Variants in MARF1 observed in about 807,000 individuals in gnomAD.
MARF1 encodes the protein meiosis regulator and mRNA stability factor 1.
In MARF1, 24 loss-of-function variants were observed where a neutral mutation model predicts 168.2. The observed-to-expected ratio is 0.14, with a 90% CI of 0.10 to 0.20. The LOEUF is 0.20. Ranked by LOEUF, MARF1 falls within the 10% of genes least tolerant of loss-of-function variation. The pLI is 1.00. For synonymous variants in MARF1, 868 were observed against 822.4 expected (o/e 1.06, Z -0.95); for missense variants, 1,744 against 2,143.6 (o/e 0.81, Z 3.68).
intron 23 of MARF1, chr16:15,601,047 A>AACC: frequency 1.8e-6 from 1 of 548,260 alleles, no homozygotes; most frequent in Non-Finnish European, 3.5e-6. Flanking sequence ...GAAACTGAAC[A>AACC]ACCACCTAAA....
At chr16:15,627,049 AAACG>A (rs913428122) in intron 7 of MARF1, among the ~76,000 whole-genome samples, 19 of 151,994 alleles carry the variant, frequency 1.3e-4, no homozygotes, top group African/African-American at 3.6e-4. Flanking sequence ...AAGAACGAAC[AAACG>A]AACGAACGAA....
chr16:15,636,111 T>G lies in MARF1; in HGVS notation c.376A>C (p.Thr126Pro). 6.2e-7 allele frequency: 1 copy of G among 1,614,196 alleles called. No homozygotes were observed. Among genetic ancestry groups the G allele is most frequent in the Non-Finnish European group, 8.5e-7 (1 of 1,180,030 alleles). Residue 126 changes from threonine (T) to proline (P), a missense_variant, in exon 3 of 27, where the codon ACC becomes CCC. Transcript: ENST00000396368. ...GCGCCCGGGTGAATCAAGCTACTGG[T>G]ACCTCCGCTACCGCCACCACCACCA... ...FGGGGGGSGG[T>P]SSLIHPGALL...
At chr16:15,610,870 T>A (rs2033471956) in intron 19 of MARF1, 105 bp downstream of exon 19, 1 of 1,122,782 alleles carries the variant, frequency 8.9e-7, no homozygotes, top group Non-Finnish European at 1.3e-6. Flanking sequence ...CTGTGGAATC[T>A]TCAGGAAGCA....
At chr16:15,604,857 G>T (rs550251986) in intron 21 of MARF1, among the ~76,000 whole-genome samples, 2 of 152,240 alleles carry the variant, frequency 1.3e-5, no homozygotes, top group African/African-American at 2.4e-5. Context: ...TGCGTCCCCA[G>T]GGCGGGCTGG....
intron 26 of MARF1, 82 bp downstream of exon 26, chr16:15,598,772 C>G: frequency 7.3e-7 from 1 of 1,372,838 alleles, no homozygotes; most frequent in Non-Finnish European, 1.0e-6. Flanking sequence ...TTCCCACCTC[C>G]GTCATTTACT....
rs199584768 is a variant in MARF1 at position 15,611,123 on chromosome 16, C to T, written c.3618-15G>A. On this transcript the variant is annotated splice_polypyrimidine_tract_variant and intron_variant, in intron 18 of 26. Transcript: ENST00000396368. ...TTGAGAAACACCTAGGTTTTAACAA[C>T]GGAAGTGGATACGGAATGAGTAGTA... 3.5e-5 allele frequency: 57 copies of T among 1,612,430 alleles called. No homozygotes were observed. In the Admixed American group the frequency reaches 4.2e-4, roughly 12 times the overall value.
intron 22 of MARF1, 48 bp from the exon 23 acceptor site, chr16:15,602,251 G>A: frequency 6.6e-7 from 1 of 1,526,626 alleles, no homozygotes; most frequent in African/African-American, 1.4e-5. Context: ...GACTGGCCCT[G>A]CCCCGTGGAA....
At chr16:15,611,337 T>C (rs1021484430) in intron 18 of MARF1, among the ~76,000 whole-genome samples, 6 of 150,668 alleles carry the variant, frequency 4.0e-5, no homozygotes, top group Non-Finnish European at 8.8e-5. Flanking sequence ...CGGGCGCCTG[T>C]AGTCCCAGCT....
intron 7 of MARF1, among the ~76,000 whole-genome samples, 197 bp from the exon 8 acceptor site, chr16:15,625,997 G>T (rs1322958758): frequency 6.6e-6 from 1 of 152,172 alleles, no homozygotes; most frequent in Non-Finnish European, 1.5e-5. Context: ...TGCTTTAGCT[G>T]GGCATGGTGG....
At chr16:15,604,943 G>A (rs2032876828) in intron 21 of MARF1, among the ~76,000 whole-genome samples, 1 of 152,158 alleles carries the variant, frequency 6.6e-6, no homozygotes, top group Non-Finnish European at 1.5e-5. Flanking sequence ...CCACAAAGCT[G>A]GTATTTTCAT....
intron 17 of MARF1, 77 bp from the exon 18 acceptor site, chr16:15,611,811 G>C: frequency 1.6e-6 from 2 of 1,238,010 alleles, no homozygotes; most frequent in Middle Eastern, 2.3e-4. Flanking sequence ...TCACCCTCTC[G>C]TTACTAGCCT....
chr16:15,615,445 G>A (rs886117008), intron 16 of MARF1, among the ~76,000 whole-genome samples: 3 of 152,036 alleles, frequency 2.0e-5, no homozygotes, highest in Non-Finnish European at 4.4e-5. Context: ...CCAATATGGT[G>A]AAACCCTGTC....
chr16:15,633,536 T>G (rs1002117506), intron 5 of MARF1, 81 bp downstream of exon 5: 1 of 1,098,778 alleles, frequency 9.1e-7, no homozygotes, highest in Admixed American at 2.1e-5. Context: ...ACACTTAGAC[T>G]CTGTCTCAAA....
At chr16:15,604,538 C>T in intron 21 of MARF1, 140 bp from the exon 22 acceptor site, 1 of 630,104 alleles carries the variant, frequency 1.6e-6, no homozygotes, top group Non-Finnish European at 2.8e-6. Flanking sequence ...TGAAATAAAG[C>T]AAGTGGGTTT....
At position 15,627,918 on chromosome 16, in the gene MARF1, G is replaced by C. The variant is rs142010093; in HGVS notation, c.1525-2118C>G. ...GTAAATTAGTACCACCTTCCTGGAGGAAGACATGGATCTTGCTAGTAAAGT... is the reference window on the plus strand; with the variant it reads ...GTAAATTAGTACCACCTTCCTGGAGCAAGACATGGATCTTGCTAGTAAAGT... On this transcript the variant is annotated intron_variant, in intron 7 of 26. Transcript: ENST00000396368. Among the ~76,000 whole-genome samples the C allele has an allele frequency of 1.6e-4, 25 of 152,292 alleles. No homozygotes were observed. The East Asian group carries it at 4.8e-3, about 29-fold the overall frequency.
At chr16:15,602,538 A>C (rs971742854) in intron 22 of MARF1, 15 of 511,594 alleles carry the variant, frequency 2.9e-5, no homozygotes, top group South Asian at 9.9e-5. Flanking sequence ...ACGATAAAGA[A>C]GACGAAGACG....
chr16:15,604,444 C>T (rs764475769), intron 21 of MARF1, 46 bp from the exon 22 acceptor site: 12 of 1,390,822 alleles, frequency 8.6e-6, no homozygotes, highest in Admixed American at 1.7e-5. Flanking sequence ...AAGAGAGACA[C>T]CCTAGGTTAT....
At chr16:15,610,614 T>C (rs1324484093) in intron 19 of MARF1, 1 of 190,764 alleles carries the variant, frequency 5.2e-6, no homozygotes, top group Non-Finnish European at 1.1e-5. Context: ...GCACAGTAAA[T>C]AAAGTAGCTC....
intron 5 of MARF1, 26 bp from the exon 6 acceptor site, chr16:15,631,524 A>AT (rs2035254014): frequency 3.3e-6 from 5 of 1,515,664 alleles, no homozygotes; most frequent in Non-Finnish European, 4.6e-6. Flanking sequence ...ATAAGGGTGA[A>AT]TAAGCAGGAG....
Sources: gnomAD v4.1 joint callset for allele counts (sites outside exome capture counted in the v4.1 genomes callset) on GRCh38, gnomAD v4.1.1 for gene constraint, MANE v1.5 for transcripts, NCBI Gene and HGNC (gene_info 2026-07-23, HGNC 2026-07-21) for gene names.